IPCEF1: variants seen among roughly 807,000 people sequenced by gnomAD.
IPCEF1 encodes the protein interaction protein for cytohesin exchange factors 1.
In IPCEF1, 31 loss-of-function variants were observed where a neutral mutation model predicts 50.9. That is an observed-to-expected ratio of 0.61 (90% confidence interval 0.46 to 0.82). IPCEF1 has a LOEUF of 0.82. Ranked by LOEUF, IPCEF1 falls within the 40% of genes least tolerant of loss-of-function variation. IPCEF1 has a pLI of 0.00. For synonymous variants in IPCEF1, 181 were observed against 192.0 expected (o/e 0.94, Z 0.47); for missense variants, 458 against 514.0 (o/e 0.89, Z 1.05).
intron 5 of IPCEF1, among the ~76,000 whole-genome samples, chr6:154,228,226 G>A (rs929135008): frequency 1.3e-5 from 2 of 151,998 alleles, no homozygotes; most frequent in African/African-American, 4.8e-5. Context: ...AGCGCTTTGG[G>A]AGGCCGAGGC....
chr6:154,339,937 A>T (rs573506264), intron 1 of IPCEF1, among the ~76,000 whole-genome samples: 13 of 152,208 alleles, frequency 8.5e-5, no homozygotes, highest in Admixed American at 7.9e-4. Flanking sequence ...GTTGTAAATA[A>T]CGTCAGTAAT....
intron 9 of IPCEF1, 140 bp from the exon 10 acceptor site, chr6:154,200,180 T>C (rs2128591638): frequency 1.3e-6 from 1 of 747,848 alleles, no homozygotes; most frequent in Non-Finnish European, 2.1e-6. Context: ...AAGGTAAAGA[T>C]ATGATATTTA....
intron 5 of IPCEF1, among the ~76,000 whole-genome samples, chr6:154,233,162 T>C (rs1312018005): frequency 6.6e-6 from 1 of 152,138 alleles, no homozygotes; most frequent in Non-Finnish European, 1.5e-5. Context: ...AGAGACATGG[T>C]TTCGCCATAT....
At chr6:154,198,627 T>TACACACAC (rs1776815529) in intron 10 of IPCEF1, among the ~76,000 whole-genome samples, 2 of 73,884 alleles carry the variant, frequency 2.7e-5, no homozygotes, top group South Asian at 4.6e-4. Flanking sequence ...TTTAAAATAT[T>TACACACAC]ACATACACAC....
chr6:154,346,517 G>A (rs907514472), intron 1 of IPCEF1, among the ~76,000 whole-genome samples: 1 of 152,108 alleles, frequency 6.6e-6, no homozygotes, highest in East Asian at 1.9e-4. Context: ...AAGAATGGAT[G>A]GACTATCTGT....
intron 5 of IPCEF1, among the ~76,000 whole-genome samples, chr6:154,230,700 A>AT (rs1046969989): frequency 3.3e-5 from 5 of 152,144 alleles, no homozygotes; most frequent in African/African-American, 9.7e-5. Context: ...TTATATCTCT[A>AT]TTTTCAATGA....
chr6:154,273,893 G>A (rs866294082), intron 2 of IPCEF1, among the ~76,000 whole-genome samples: 34 of 150,412 alleles, frequency 2.3e-4, no homozygotes, highest in African/African-American at 4.6e-4. Flanking sequence ...AGCTGGGACT[G>A]CAGGCGCCCG....
At chr6:154,243,855 T>C (rs1780800520) in intron 5 of IPCEF1, among the ~76,000 whole-genome samples, 1 of 152,202 alleles carries the variant, frequency 6.6e-6, no homozygotes. Flanking sequence ...ACTTTCAAAA[T>C]GTGGAGACAA....
chr6:154,248,605 G>A (rs1420980227), intron 3 of IPCEF1, among the ~76,000 whole-genome samples: 1 of 152,102 alleles, frequency 6.6e-6, no homozygotes, highest in East Asian at 1.9e-4. Context: ...TGGTTCTACT[G>A]TATGTTTGAA....
At chr6:154,272,056 G>A (rs1036256058) in intron 2 of IPCEF1, among the ~76,000 whole-genome samples, 2 of 152,190 alleles carry the variant, frequency 1.3e-5, no homozygotes, top group Admixed American at 6.5e-5. Flanking sequence ...TCCCAACTCT[G>A]CCACTTGTTA....
intron 1 of IPCEF1, among the ~76,000 whole-genome samples, chr6:154,329,718 G>A (rs1240115999): frequency 6.6e-6 from 1 of 151,968 alleles, no homozygotes; most frequent in Non-Finnish European, 1.5e-5. Flanking sequence ...AAAAAAGAAA[G>A]TGAAATTTTT....
At chr6:154,294,994 C>A (rs187879911) in intron 1 of IPCEF1, among the ~76,000 whole-genome samples, 49 of 152,224 alleles carry the variant, frequency 3.2e-4, no homozygotes, top group Admixed American at 7.8e-4. Context: ...GTCAGGAGAT[C>A]GAGACCAGCC....
At chr6:154,236,000 G>A (rs1044936631) in intron 5 of IPCEF1, among the ~76,000 whole-genome samples, 5 of 152,150 alleles carry the variant, frequency 3.3e-5, no homozygotes, top group African/African-American at 7.2e-5. Flanking sequence ...GCATGGTAGC[G>A]CCTCAAAAAC....
rs1160605540 is a variant in IPCEF1 at position 154,158,790 on chromosome 6, A to G, written c.*1038T>C. On this transcript the variant is annotated 3_prime_UTR_variant, in exon 12 of 12. Coordinates refer to ENST00000367220, the MANE Select transcript of IPCEF1 (RefSeq NM_001130700.2). ...CATCTTTTAAACACTAGTAATTTGA[A>G]CTTCTATAAATATATTTAAATAACA... 6.6e-6 allele frequency: 1 copy of G among 152,228 alleles called. No homozygotes were observed. Among genetic ancestry groups the G allele is most frequent in the Non-Finnish European group, 1.5e-5 (1 of 68,040 alleles). 9.4% of individuals were successfully genotyped at this position (152,228 alleles called of 1,614,324 possible).
chr6:154,320,863 T>C (rs145462643), intron 1 of IPCEF1, among the ~76,000 whole-genome samples: 3,206 of 152,304 alleles, frequency 0.021, 59 homozygotes, highest in Non-Finnish European at 0.032. Flanking sequence ...TATATAATTT[T>C]ATCTATAGAC....
intron 9 of IPCEF1, among the ~76,000 whole-genome samples, chr6:154,210,252 A>C (rs1314423797): frequency 2.0e-5 from 3 of 152,216 alleles, no homozygotes; most frequent in African/African-American, 7.2e-5. Flanking sequence ...CTGAGATACT[A>C]GTTTGCCATT....
chr6:154,221,201 G>A (rs2128616597), intron 7 of IPCEF1, 56 bp downstream of exon 7: 4 of 1,264,932 alleles, frequency 3.2e-6, no homozygotes, highest in African/African-American at 1.5e-5. Context: ...CCAGTACCAG[G>A]CTAAAGTTAA....
chr6:154,213,001 TG>T (rs1778092314), intron 8 of IPCEF1, 146 bp from the exon 9 acceptor site: 1 of 643,070 alleles, frequency 1.6e-6, no homozygotes, highest in Admixed American at 2.4e-5. Context: ...GGTAACTACC[TG>T]GTGCAAAGGA....
intron 1 of IPCEF1, among the ~76,000 whole-genome samples, chr6:154,351,932 T>C (rs143033491): frequency 4.5e-4 from 68 of 152,138 alleles, no homozygotes; most frequent in African/African-American, 1.4e-3. Flanking sequence ...AGCTGAACAA[T>C]GAGAACACAT....
Sources: gnomAD v4.1 joint callset for allele counts (sites outside exome capture counted in the v4.1 genomes callset) on GRCh38, gnomAD v4.1.1 for gene constraint, MANE v1.5 for transcripts, NCBI Gene and HGNC (gene_info 2026-07-23, HGNC 2026-07-21) for gene names.